GALNT18: variants seen among roughly 807,000 people sequenced by gnomAD.
The protein encoded by GALNT18 is polypeptide N-acetylgalactosaminyltransferase 18.
GALNT18 carries 44 observed loss-of-function variants against 69.5 expected under a neutral mutation model. The ratio of observed to expected loss-of-function variants is 0.63; its 90% CI spans 0.50 to 0.81. The LOEUF is 0.81. Among genes scored for constraint, GALNT18 ranks in the 40% least tolerant of loss-of-function variants. The pLI, the probability that GALNT18 is intolerant of heterozygous loss-of-function variation, is 0.00. For synonymous variants in GALNT18, 364 were observed against 318.2 expected (o/e 1.14, Z -1.53); for missense variants, 715 against 810.0 (o/e 0.88, Z 1.42).
At chr11:11,464,134 T>C (rs1856108042) in intron 1 of GALNT18, among the ~76,000 whole-genome samples, 1 of 152,224 alleles carries the variant, frequency 6.6e-6, no homozygotes, top group East Asian at 1.9e-4. Flanking sequence ...AAAGCATCCA[T>C]ACTGATAGCT....
intron 10 of GALNT18, among the ~76,000 whole-genome samples, chr11:11,278,520 A>G (rs1848996929): frequency 6.6e-6 from 1 of 152,100 alleles, no homozygotes; most frequent in Non-Finnish European, 1.5e-5. Flanking sequence ...TAAAAAAAAA[A>G]GGGAGATTGT....
chr11:11,478,438 C>T (rs908144286), intron 1 of GALNT18, among the ~76,000 whole-genome samples: 5 of 152,136 alleles, frequency 3.3e-5, no homozygotes, highest in Non-Finnish European at 7.3e-5. Context: ...AAGGAATTAA[C>T]GCAGGGGTTC....
intron 3 of GALNT18, among the ~76,000 whole-genome samples, chr11:11,381,323 C>G (rs976884380): frequency 6.6e-6 from 1 of 152,142 alleles, no homozygotes; most frequent in African/African-American, 2.4e-5. Flanking sequence ...GTGCACAGAA[C>G]TTGAAGTGAG....
chr11:11,345,310 TG>T (rs1232223815), intron 6 of GALNT18, among the ~76,000 whole-genome samples: 1 of 152,212 alleles, frequency 6.6e-6, no homozygotes, highest in African/African-American at 2.4e-5. Context: ...CCCTGCCCAG[TG>T]GCACTGAAGC....
intron 1 of GALNT18, among the ~76,000 whole-genome samples, chr11:11,460,403 G>A (rs1256242073): frequency 1.3e-5 from 2 of 152,168 alleles, no homozygotes; most frequent in Non-Finnish European, 2.9e-5. Context: ...ACACTACTCT[G>A]AGCAAAATGG....
At chr11:11,414,560 C>A (rs1325340669) in intron 3 of GALNT18, among the ~76,000 whole-genome samples, 1 of 152,204 alleles carries the variant, frequency 6.6e-6, no homozygotes, top group Non-Finnish European at 1.5e-5. Context: ...CTTCTCCAAT[C>A]ATCTAACCTG....
Position 11,314,383 on chromosome 11 carries a change from T to TC in GALNT18, c.1512+12702_1512+12703insG, listed in dbSNP as rs1491126540. 3.8e-4 allele frequency among the ~76,000 whole-genome samples: 1 copy of TC among 2,598 alleles called. No homozygotes were observed. The highest frequency in any genetic ancestry group is 8.6e-4 in the Non-Finnish European group (1 of 1,158). The allele number at this position is 2,598 out of a possible 152,430, so 1.7% of individuals were successfully genotyped here. ...AATGAATAACAAATCAAGCAGCTCC[T>TC]TTTTTTTTTTTTAGCATGGAAGCTG... is the stretch of plus-strand genomic sequence containing the variant. On this transcript the variant is annotated intron_variant, in intron 9 of 10. Transcript: ENST00000227756. The surrounding 1 kb of genome is among the most constrained non-coding windows in gnomAD (Gnocchi z 5.2).
intron 1 of GALNT18, among the ~76,000 whole-genome samples, chr11:11,482,945 G>T (rs1356713320): frequency 6.6e-6 from 1 of 152,208 alleles, no homozygotes; most frequent in Non-Finnish European, 1.5e-5. Context: ...TTGGACCCCA[G>T]CCCAGACCTA....
intron 1 of GALNT18, among the ~76,000 whole-genome samples, chr11:11,502,163 G>A (rs903516950): frequency 6.6e-6 from 1 of 152,192 alleles, no homozygotes; most frequent in Non-Finnish European, 1.5e-5. Context: ...ACCTCATAAA[G>A]CGAGGCTCAG....
chr11:11,447,197 T>C lies in GALNT18; in HGVS notation c.428+1547A>G, dbSNP rs1194818773. On this transcript the variant is annotated intron_variant, in intron 2 of 10. Transcript: ENST00000227756. ...GGGCCTTTGCACTTGCCACTTCCTC[T>C]GCCTGAAAGGTACTCCCCCCATCCT... Among the ~76,000 whole-genome samples the C allele has an allele frequency of 3.9e-5, 6 of 152,290 alleles. No homozygotes were observed. The East Asian group carries it at 5.8e-4, about 15-fold the overall frequency.
chr11:11,543,996 G>A lies in GALNT18; in HGVS notation c.235+77363C>T, dbSNP rs544790666. On this transcript the variant is annotated intron_variant, in intron 1 of 10. Transcript: ENST00000227756. The surrounding 1 kb of genome is among the most constrained non-coding windows in gnomAD (Gnocchi z 5.1). ...ATTGCCTACAAACTTAATAAAAATG[G>A]ATTTTGGGGCCCTGCAATAGTGCGC... Among the ~76,000 whole-genome samples the A allele has an allele frequency of 1.2e-3, 180 of 152,302 alleles. 1 individual carries two copies. The highest frequency in any genetic ancestry group is 1.5e-3 in the Non-Finnish European group (104 of 68,026).
chr11:11,370,886 G>A (rs921234653), intron 6 of GALNT18, among the ~76,000 whole-genome samples: 1 of 152,184 alleles, frequency 6.6e-6, no homozygotes, highest in Non-Finnish European at 1.5e-5. Context: ...CCTGACAGCA[G>A]CTCCTCGTGA....
At chr11:11,311,372 A>T (rs918516276) in intron 9 of GALNT18, among the ~76,000 whole-genome samples, 1 of 151,994 alleles carries the variant, frequency 6.6e-6, no homozygotes, top group African/African-American at 2.4e-5. Flanking sequence ...TGCAACTTAT[A>T]CTCTGTCACT....
chr11:11,316,834 G>A (rs1419281200), intron 9 of GALNT18, among the ~76,000 whole-genome samples: 1 of 152,190 alleles, frequency 6.6e-6, no homozygotes, highest in Non-Finnish European at 1.5e-5. Context: ...TGTATAAACT[G>A]TGATCATCTA....
intron 9 of GALNT18, among the ~76,000 whole-genome samples, chr11:11,298,937 A>C (rs180806164): frequency 3.0e-4 from 45 of 151,692 alleles, no homozygotes; most frequent in African/African-American, 1.0e-3. Flanking sequence ...GAGAATCTCA[A>C]CCTCCTGCCT....
At chr11:11,526,560 C>G (rs1857530762) in intron 1 of GALNT18, among the ~76,000 whole-genome samples, 1 of 152,088 alleles carries the variant, frequency 6.6e-6, no homozygotes, top group African/African-American at 2.4e-5. Context: ...CAGGGGAGAG[C>G]TGGTTATATT....
chr11:11,318,481 C>G lies in GALNT18; in HGVS notation c.1512+8605G>C, dbSNP rs61242268. Reference sequence around the variant, plus strand: ...GGGACCAGCAGAAGTTAGGAGAGTGCCTGGAGTAGAATCTTTCCTAGGCCT... The same window carrying G: ...GGGACCAGCAGAAGTTAGGAGAGTGGCTGGAGTAGAATCTTTCCTAGGCCT... On this transcript the variant is annotated intron_variant, in intron 9 of 10. Transcript: ENST00000227756. This position sits in a 1 kb window ranked among gnomAD's most constrained non-coding sequence, Gnocchi z 5.1. Among the ~76,000 whole-genome samples the G allele has an allele frequency of 0.19, 28,496 of 152,094 alleles. 2,871 individuals are homozygous for G. Among genetic ancestry groups the G allele is most frequent in the African/African-American group, 0.23 (9,721 of 41,458 alleles).
chr11:11,568,836 C>T (rs141111700), intron 1 of GALNT18, among the ~76,000 whole-genome samples: 2 of 152,266 alleles, frequency 1.3e-5, no homozygotes, highest in African/African-American at 2.4e-5. Context: ...ATGTCTTAGC[C>T]GATAGCTGAG....
intron 6 of GALNT18, chr11:11,352,177 C>T: frequency 6.2e-7 from 1 of 1,613,668 alleles, no homozygotes. Flanking sequence ...GCCTCTCTTG[C>T]AGTAAGCCGT....
Sources: allele counts gnomAD v4.1 joint callset (sites outside exome capture counted in the v4.1 genomes callset), GRCh38; gene constraint gnomAD v4.1.1; non-coding constraint Gnocchi (gnomAD v3.1); transcripts MANE v1.5; gene names NCBI Gene and HGNC (gene_info 2026-07-23, HGNC 2026-07-21).